The following ATXN1 variants were observed in gnomAD, a reference collection of about 807,000 sequenced individuals.
ATXN1 encodes the protein ataxin 1, also known as ataxin-1.
ATXN1 carries 8 observed loss-of-function variants against 56.4 expected under a neutral mutation model. The observed-to-expected ratio is 0.14, with a 90% CI of 0.08 to 0.26. The LOEUF (loss-of-function observed/expected upper bound fraction) is 0.26. Among genes scored for constraint, ATXN1 ranks in the 10% least tolerant of loss-of-function variants. The probability of loss-of-function intolerance (pLI) is 1.00; values close to 1 mark genes in which losing one functional copy is unlikely to be tolerated. For missense variants in ATXN1, 987 were observed against 1,106.5 expected (o/e 0.89, Z 1.53); for synonymous variants, 514 against 494.6 (o/e 1.04, Z -0.52).
At chr6:16,592,174 C>T (rs928003621) in intron 3 of ATXN1, among the ~76,000 whole-genome samples, 4 of 152,126 alleles carry the variant, frequency 2.6e-5, no homozygotes, top group African/African-American at 9.7e-5. Flanking sequence ...GAGAGCTCTG[C>T]CCCCCTCCCA....
chr6:16,364,804 T>G (rs1439265012), intron 6 of ATXN1, among the ~76,000 whole-genome samples: 1 of 52,424 alleles, frequency 1.9e-5, no homozygotes, highest in Non-Finnish European at 3.4e-5. Context: ...CTCGTTCAGA[T>G]TATTCAACAT....
intron 6 of ATXN1, among the ~76,000 whole-genome samples, chr6:16,483,107 C>T (rs1760472172): frequency 6.6e-6 from 1 of 152,168 alleles, no homozygotes; most frequent in Admixed American, 6.5e-5. Flanking sequence ...GTGTCAGCAT[C>T]ATTCTCTTCT....
At chr6:16,376,014 T>C (rs997201359) in intron 6 of ATXN1, among the ~76,000 whole-genome samples, 1 of 152,266 alleles carries the variant, frequency 6.6e-6, no homozygotes, top group Non-Finnish European at 1.5e-5. Context: ...ATGGCACAGC[T>C]GCCTGCGGGA....
intron 5 of ATXN1, among the ~76,000 whole-genome samples, chr6:16,520,808 C>T (rs957984878): frequency 6.6e-6 from 1 of 152,090 alleles, no homozygotes; most frequent in African/African-American, 2.4e-5. Context: ...TGGACAGGAG[C>T]GATCAATGTT....
chr6:16,711,472 G>A (rs1428195707), intron 2 of ATXN1, among the ~76,000 whole-genome samples: 1 of 151,660 alleles, frequency 6.6e-6, no homozygotes, highest in South Asian at 2.1e-4. Context: ...GCCAAACACT[G>A]AGAAAAAATT....
rs1218619514 is a variant in ATXN1 at position 16,589,447 on chromosome 6, TATATA to T, written c.-488-3545_-488-3541del. 4.6e-5 allele frequency among the ~76,000 whole-genome samples: 7 copies of T among 150,768 alleles called. 1 individual carries two copies. The highest frequency in any genetic ancestry group is 1.7e-4 in the African/African-American group (7 of 41,142). On this transcript the variant is annotated intron_variant, in intron 3 of 7. Coordinates refer to ENST00000436367, the MANE Select transcript of ATXN1 (RefSeq NM_001128164.2). ...CATTTATATATTATATATACATACTTATATATTATATATACATCACACACATACAC... is the reference window on the plus strand; with the variant it reads ...CATTTATATATTATATATACATACTTTTATATATACATCACACACATACAC...
chr6:16,433,602 C>G (rs1418495519), intron 6 of ATXN1, among the ~76,000 whole-genome samples: 1 of 152,226 alleles, frequency 6.6e-6, no homozygotes, highest in Non-Finnish European at 1.5e-5. Context: ...GTTGGGGCTA[C>G]AAGCACATTG....
At position 16,327,801 on chromosome 6, in the gene ATXN1, C is replaced by G. The variant is rs766808797; in HGVS notation, c.510G>C (p.Gln170His). 7 of 1,609,930 alleles carry G rather than the reference C, an allele frequency of 4.3e-6. No individual in the cohort carries two copies. The highest frequency in any genetic ancestry group is 4.2e-6 in the Non-Finnish European group (5 of 1,179,998). Residue 170 changes from glutamine to histidine, a missense_variant, in exon 7 of 8, where the codon CAG (glutamine) becomes CAC (histidine). By Grantham distance (24) the Gln-to-His change is conservative. Around this residue, in one of 3 missense-constraint regions of ATXN1, gnomAD observed 723 missense variants for 791.7 expected, o/e 0.91. Transcript: ENST00000436367. ...ASAAGATTPS[Q>H]RSQLEAYSTL... ...TGGAATAGGCCTCCAGCTGGGAGCG[C>G]TGGGATGGAGTGGTGGCCCCTGCGG... is the stretch of plus-strand genomic sequence containing the variant.
chr6:16,560,338 G>A (rs892122941), intron 4 of ATXN1, among the ~76,000 whole-genome samples: 4 of 151,944 alleles, frequency 2.6e-5, no homozygotes, highest in Non-Finnish European at 5.9e-5. Flanking sequence ...GCTGAGGCAG[G>A]AGAATCGTTT....
At chr6:16,642,281 G>A (rs1016679376) in intron 3 of ATXN1, among the ~76,000 whole-genome samples, 7 of 152,182 alleles carry the variant, frequency 4.6e-5, no homozygotes, top group African/African-American at 1.7e-4. Flanking sequence ...TGTAGTCCCA[G>A]CTACTCAGGA....
chr6:16,654,829 A>T (rs906180342), intron 3 of ATXN1, among the ~76,000 whole-genome samples: 1 of 152,222 alleles, frequency 6.6e-6, no homozygotes, highest in Admixed American at 6.5e-5. Flanking sequence ...CACCAGGAGA[A>T]TCACAAAACT....
intron 6 of ATXN1, among the ~76,000 whole-genome samples, chr6:16,425,198 T>C (rs1759124720): frequency 6.6e-6 from 1 of 152,246 alleles, no homozygotes; most frequent in African/African-American, 2.4e-5. Flanking sequence ...TACAAATGCT[T>C]TCTGTCTCAG....
chr6:16,376,149 A>C (rs950059016), intron 6 of ATXN1, among the ~76,000 whole-genome samples: 1 of 152,258 alleles, frequency 6.6e-6, no homozygotes, highest in African/African-American at 2.4e-5. Context: ...TGAAATCTTT[A>C]ATATCTTAAG....
At chr6:16,466,926 A>ACGTCTTCCT (rs1760120240) in intron 6 of ATXN1, among the ~76,000 whole-genome samples, 1 of 152,362 alleles carries the variant, frequency 6.6e-6, no homozygotes, top group South Asian at 2.1e-4. Context: ...GTTTCCAATA[A>ACGTCTTCCT]CGTCTTCCTC....
intron 2 of ATXN1, among the ~76,000 whole-genome samples, chr6:16,743,882 A>G (rs1760432019): frequency 6.6e-6 from 1 of 152,170 alleles, no homozygotes; most frequent in African/African-American, 2.4e-5. Flanking sequence ...TGGGACGAAT[A>G]CAGGGCAACA....
intron 2 of ATXN1, among the ~76,000 whole-genome samples, chr6:16,686,253 T>C (rs1758915228): frequency 6.6e-6 from 1 of 152,144 alleles, no homozygotes; most frequent in Admixed American, 6.5e-5. Context: ...TAAAACCATA[T>C]CAGATACTAA....
intron 7 of ATXN1, among the ~76,000 whole-genome samples, chr6:16,323,283 C>T (rs1760720344): frequency 6.6e-6 from 1 of 152,162 alleles, no homozygotes; most frequent in African/African-American, 2.4e-5. Context: ...CTTTAGGAGG[C>T]TGAGGCGGGT....
chr6:16,501,630 T>A (rs1760887581), intron 5 of ATXN1, among the ~76,000 whole-genome samples: 2 of 152,214 alleles, frequency 1.3e-5, no homozygotes, highest in African/African-American at 4.8e-5. Context: ...GCTTCATCCA[T>A]GTCCCTGTAA....
intron 6 of ATXN1, among the ~76,000 whole-genome samples, chr6:16,342,804 A>G (rs1213060202): frequency 1.3e-5 from 2 of 152,200 alleles, no homozygotes; most frequent in African/African-American, 2.4e-5. Context: ...TTCCCCTTCT[A>G]TGAGGAATCT....
Sources: gnomAD v4.1 joint callset for allele counts (sites outside exome capture counted in the v4.1 genomes callset) on GRCh38, gnomAD v4.1.1 for gene constraint, gnomAD v4.1.1 regional missense constraint, MANE v1.5 for transcripts, NCBI Gene and HGNC (gene_info 2026-07-23, HGNC 2026-07-21) for gene names.